ARHGEF10: variants seen among roughly 807,000 people sequenced by gnomAD.
The protein encoded by ARHGEF10 is Rho guanine nucleotide exchange factor 10, also known as Rho guanine nucleotide exchange factor (GEF) 10.
In ARHGEF10, 140 loss-of-function variants were observed where a neutral mutation model predicts 147.4. That is an observed-to-expected ratio of 0.95 (90% CI 0.83 to 1.09). The LOEUF is 1.09. Ranked by LOEUF, ARHGEF10 falls within the 50% of genes least tolerant of loss-of-function variation. ARHGEF10 has a pLI of 0.00. For synonymous variants in ARHGEF10, 902 were observed against 695.8 expected (o/e 1.30, Z -4.67); for missense variants, 2,222 against 1,752.7 (o/e 1.27, Z -4.78).
At chr8:1,833,097 GAGAGACAGAGACAGAGGC>G (rs1803332695) in intron 1 of ARHGEF10, among the ~76,000 whole-genome samples, 1 of 17,824 alleles carries the variant, frequency 5.6e-5, no homozygotes, top group African/African-American at 1.9e-4. Flanking sequence ...GACAGAGGCA[GAGAGACAGAGACAGAGGC>G]AGAGAGAGAC....
intron 1 of ARHGEF10, among the ~76,000 whole-genome samples, chr8:1,832,534 ACAGAGG>A (rs1251684443): frequency 7.1e-5 from 10 of 140,998 alleles, no homozygotes; most frequent in East Asian, 6.2e-4. Context: ...GTAGAGAGAC[ACAGAGG>A]CAGAGGCAGA....
rs1432039634 is a variant in ARHGEF10, at chr8:1,937,742, G to A, written c.3222+3800G>A. ...GTCCGCCTTGCTGACAGCGAGGGCA[G>A]CAGCTGCGGGGGGATCCGTCCCGAA... On this transcript the variant is annotated intron_variant, in intron 26 of 28. Transcript: ENST00000349830. The surrounding 1 kb of genome is among the most constrained non-coding windows in gnomAD (Gnocchi z 4.9). Among the ~76,000 whole-genome samples the A allele has an allele frequency of 5.9e-5, 9 of 152,248 alleles. No homozygotes were observed. Among genetic ancestry groups the A allele is most frequent in the Admixed American group, 5.9e-4 (9 of 15,282 alleles).
intron 1 of ARHGEF10, among the ~76,000 whole-genome samples, chr8:1,838,294 C>T (rs75403599): frequency 1.3e-5 from 2 of 152,220 alleles, no homozygotes; most frequent in Non-Finnish European, 2.9e-5. Context: ...GGACTCATAG[C>T]TGTATTGGAG....
rs192204019 is a variant in ARHGEF10, at chr8:1,940,587, A to C, written c.3223-4894A>C. 2.8e-3 allele frequency among the ~76,000 whole-genome samples: 430 copies of C among 152,300 alleles called. 2 individuals are homozygous for C. The highest frequency in any genetic ancestry group is 0.01 in the African/African-American group (417 of 41,552). ...AAAGAATTAACAGTACTCTTTCCCA[A>C]ACTCTCCAAAAATATTGATGAGGAC... is the stretch of plus-strand genomic sequence containing the variant. On this transcript the variant is annotated intron_variant, in intron 26 of 28. Transcript: ENST00000349830.
chr8:1,871,662 A>G (rs1231358966), intron 7 of ARHGEF10, among the ~76,000 whole-genome samples: 2 of 152,190 alleles, frequency 1.3e-5, no homozygotes, highest in East Asian at 3.9e-4. Context: ...TACTAAAAGT[A>G]CAAAAATTAG....
At chr8:1,924,696 T>G (rs1238644524) in intron 21 of ARHGEF10, among the ~76,000 whole-genome samples, 1 of 152,202 alleles carries the variant, frequency 6.6e-6, no homozygotes, top group Non-Finnish European at 1.5e-5. Flanking sequence ...TTGGTCATTT[T>G]TCAGGTCAGG....
In ARHGEF10 at chr8:1,948,743, C is replaced by T. The variant is rs896826723; in HGVS notation, c.3397+3088C>T. Among the ~76,000 whole-genome samples, 8 of 152,144 alleles carry T rather than the reference C, an allele frequency of 5.3e-5. No individual in the cohort carries two copies. The highest frequency in any genetic ancestry group is 1.4e-4 in the African/African-American group (6 of 41,420). ...TTTCATCTCATCTCCTCTGTCTAGT[C>T]GTCTTTGCCTTTCAGCTAATATTTC... On this transcript the variant is annotated intron_variant, in intron 27 of 28. Coordinates refer to ENST00000349830, the MANE Select transcript of ARHGEF10 (RefSeq NM_014629.4). This position sits in a 1 kb window ranked among gnomAD's most constrained non-coding sequence, Gnocchi z 4.9.
chr8:1,882,461 T>C (rs1169213899), intron 9 of ARHGEF10, among the ~76,000 whole-genome samples, 174 bp from the exon 10 acceptor site: 2 of 152,170 alleles, frequency 1.3e-5, no homozygotes, highest in Non-Finnish European at 2.9e-5. Context: ...TTAAGGTCTG[T>C]TTTTTCCTTT....
chr8:1,826,035 T>C (rs1467722585), intron 1 of ARHGEF10: 2 of 1,344,706 alleles, frequency 1.5e-6, no homozygotes, highest in Non-Finnish European at 2.1e-6. Flanking sequence ...TGTCCCTGTC[T>C]GTCTCTCACA....
intron 26 of ARHGEF10, 75 bp from the exon 27 acceptor site, chr8:1,945,406 A>G (rs958075885): frequency 1.3e-6 from 2 of 1,531,032 alleles, no homozygotes; most frequent in African/African-American, 1.4e-5. Context: ...CTCCAGCTGG[A>G]CGCCACGTGG....
intron 6 of ARHGEF10, 32 bp from the exon 7 acceptor site, chr8:1,869,162 C>G (rs368277820): frequency 6.3e-7 from 1 of 1,593,574 alleles, no homozygotes; most frequent in Non-Finnish European, 8.6e-7. Context: ...TTGTTGGTCA[C>G]TGTTTAAAGT....
chr8:1,932,056 A>G (rs1032050011), intron 25 of ARHGEF10, among the ~76,000 whole-genome samples: 4 of 152,226 alleles, frequency 2.6e-5, no homozygotes, highest in Admixed American at 1.3e-4. Context: ...ATCCAAGCAC[A>G]GTGGGCGGTG....
intron 19 of ARHGEF10, 97 bp from the exon 20 acceptor site, chr8:1,923,371 C>G: frequency 6.5e-7 from 1 of 1,550,092 alleles, no homozygotes; most frequent in Non-Finnish European, 8.9e-7. Context: ...TTCATTTGGT[C>G]TGAATTTCTC....
chr8:1,926,792 C>G (rs1812726462), intron 23 of ARHGEF10: 1 of 365,452 alleles, frequency 2.7e-6, no homozygotes, highest in Admixed American at 4.4e-5. Context: ...GATTTTTTTT[C>G]TTGTTCCAAG....
chr8:1,891,295 G>C (rs936815196), intron 11 of ARHGEF10, among the ~76,000 whole-genome samples: 2 of 152,148 alleles, frequency 1.3e-5, no homozygotes, highest in South Asian at 2.1e-4. Flanking sequence ...TCTCTTGAGT[G>C]GTTAAATGGG....
At chr8:1,876,306 T>TGTAGATCTC in intron 7 of ARHGEF10, 2 of 532,646 alleles carry the variant, frequency 3.8e-6, no homozygotes, top group Non-Finnish European at 6.7e-6. Context: ...CATAGCCAGG[T>TGTAGATCTC]GGTCCTCGGG....
At chr8:1,940,693 C>T (rs2129259986) in intron 26 of ARHGEF10, among the ~76,000 whole-genome samples, 1 of 152,282 alleles carries the variant, frequency 6.6e-6, no homozygotes, top group African/African-American at 2.4e-5. Flanking sequence ...GACCGGTATC[C>T]ACTGTGAGCA....
intron 26 of ARHGEF10, among the ~76,000 whole-genome samples, chr8:1,944,478 C>T (rs542044899): frequency 4.6e-5 from 7 of 152,334 alleles, no homozygotes; most frequent in South Asian, 4.1e-4. Flanking sequence ...GCTCTGGGCG[C>T]GGCGTAGTGC....
intron 14 of ARHGEF10, among the ~76,000 whole-genome samples, chr8:1,898,108 C>T (rs1230409955): frequency 6.6e-6 from 1 of 152,172 alleles, no homozygotes; most frequent in African/African-American, 2.4e-5. Context: ...AAGAGGTTGC[C>T]AGCCTTTTCT....
Sources: gnomAD v4.1 joint callset for allele counts (sites outside exome capture counted in the v4.1 genomes callset) on GRCh38, gnomAD v4.1.1 for gene constraint, Gnocchi (gnomAD v3.1) non-coding constraint, MANE v1.5 for transcripts, NCBI Gene and HGNC (gene_info 2026-07-23, HGNC 2026-07-21) for gene names.